The following LRRFIP1 variants were observed in gnomAD, a reference collection of about 807,000 sequenced individuals.
LRRFIP1 encodes leucine-rich repeat flightless-interacting protein 1.
LRRFIP1 carries 62 observed loss-of-function variants against 104.4 expected under a neutral mutation model. The ratio of observed to expected loss-of-function variants is 0.59; its 90% CI spans 0.48 to 0.73. LRRFIP1 has a LOEUF of 0.73. LRRFIP1 is among the 30% of genes least tolerant of loss of function. The probability of loss-of-function intolerance (pLI) is 0.00; values close to 1 mark genes in which losing one functional copy is unlikely to be tolerated. For synonymous variants in LRRFIP1, 300 were observed against 299.0 expected (o/e 1.00, Z -0.03); for missense variants, 796 against 824.5 (o/e 0.97, Z 0.42).
chr2:237,636,352 CTTTT>C (rs59582281), intron 1 of LRRFIP1, among the ~76,000 whole-genome samples: 4 of 124,400 alleles, frequency 3.2e-5, no homozygotes, highest in Admixed American at 3.2e-4. Context: ...CCTTTCTTTT[CTTTT>C]TTTTTTTTTT....
intron 1 of LRRFIP1, among the ~76,000 whole-genome samples, chr2:237,693,547 G>A (rs2092959171): frequency 6.6e-6 from 1 of 152,180 alleles, no homozygotes; most frequent in Non-Finnish European, 1.5e-5. Flanking sequence ...CAGTGGGCCA[G>A]CCCTCTGGAG....
At chr2:237,670,456 A>ACAGC (rs1317318572) in intron 1 of LRRFIP1, among the ~76,000 whole-genome samples, 2 of 152,242 alleles carry the variant, frequency 1.3e-5, no homozygotes, top group Non-Finnish European at 2.9e-5. Flanking sequence ...AGCAACACCG[A>ACAGC]CAGCCCATCA....
chr2:237,756,819 T>C (rs1395542666), intron 16 of LRRFIP1, among the ~76,000 whole-genome samples: 1 of 152,142 alleles, frequency 6.6e-6, no homozygotes, highest in Non-Finnish European at 1.5e-5. Flanking sequence ...ATGCCTTACA[T>C]GGTTAAAGGG....
chr2:237,739,742 C>T (rs1269149215), intron 11 of LRRFIP1, among the ~76,000 whole-genome samples: 1 of 152,112 alleles, frequency 6.6e-6, no homozygotes, highest in Non-Finnish European at 1.5e-5. Context: ...AGATTTGCAG[C>T]CCTGCATCCT....
rs773983334 is a variant in LRRFIP1, at chr2:237,668,812, C to A, written c.97-39732C>A. Among the ~76,000 whole-genome samples the A allele has an allele frequency of 4.9e-4, 75 of 152,048 alleles. 1 individual carries two copies. Among genetic ancestry groups the A allele is most frequent in the Admixed American group, 2.8e-3 (43 of 15,242 alleles). ...GAAAGAAAATATTTATTATATTAAA[C>A]GTAATACATGTTTATTATAGAAAAA... On this transcript the variant is annotated intron_variant, in intron 1 of 23. Transcript: ENST00000308482.
At chr2:237,765,025 G>A in intron 19 of LRRFIP1, 1 of 942,392 alleles carries the variant, frequency 1.1e-6, no homozygotes, top group Non-Finnish European at 1.3e-6. Context: ...ACATTGGGAG[G>A]CCAAGGCAGG....
chr2:237,651,152 C>T (rs889174156), intron 1 of LRRFIP1, among the ~76,000 whole-genome samples: 9 of 152,120 alleles, frequency 5.9e-5, no homozygotes, highest in Non-Finnish European at 1.0e-4. Flanking sequence ...GAGGCTAGTA[C>T]GAAGAACACC....
At chr2:237,671,280 T>G (rs973795453) in intron 1 of LRRFIP1, among the ~76,000 whole-genome samples, 1 of 152,194 alleles carries the variant, frequency 6.6e-6, no homozygotes, top group African/African-American at 2.4e-5. Context: ...CATACAGATC[T>G]GAGAGCCAGA....
At chr2:237,680,938 G>A (rs967942486) in intron 1 of LRRFIP1, among the ~76,000 whole-genome samples, 42 of 152,212 alleles carry the variant, frequency 2.8e-4, no homozygotes, top group African/African-American at 8.7e-4. Context: ...CCATGATCAC[G>A]CCACTGCACT....
At chr2:237,639,892 C>A (rs192171309) in intron 1 of LRRFIP1, among the ~76,000 whole-genome samples, 2 of 152,204 alleles carry the variant, frequency 1.3e-5, no homozygotes, top group South Asian at 4.1e-4. Flanking sequence ...AGGAGCTCCT[C>A]GCTATTCCCA....
intron 10 of LRRFIP1, among the ~76,000 whole-genome samples, chr2:237,738,234 G>A (rs2095312049): frequency 6.6e-6 from 1 of 151,702 alleles, no homozygotes; most frequent in African/African-American, 2.4e-5. Context: ...CACCCCTGAA[G>A]ATCTGGATGA....
intron 1 of LRRFIP1, among the ~76,000 whole-genome samples, chr2:237,693,682 C>T (rs1277618816): frequency 6.6e-6 from 1 of 152,130 alleles, no homozygotes; most frequent in African/African-American, 2.4e-5. Flanking sequence ...TGCCAGTGTT[C>T]TGAGGAGCAG....
rs565873709 is a variant in LRRFIP1 at position 237,717,479 on chromosome 2, C to G, written c.202-283C>G. Among the ~76,000 whole-genome samples, 1 of 152,332 alleles carries G rather than the reference C, an allele frequency of 6.6e-6. No individual in the cohort carries two copies. Among genetic ancestry groups the G allele is most frequent in the Middle Eastern group, 3.4e-3 (1 of 294 alleles). On this transcript the variant is annotated intron_variant, in intron 3 of 23. Coordinates refer to ENST00000308482, the MANE Select transcript of LRRFIP1 (RefSeq NM_001137550.2). This position sits in a 1 kb window ranked among gnomAD's most constrained non-coding sequence, Gnocchi z 4.2. ...GCCGGCTTTACTGTCCTGCTCTCCC[C>G]CGAGGCCCTTCACCTGGGGAAGCTT...
chr2:237,737,212 TC>T (rs2095277631), intron 10 of LRRFIP1, among the ~76,000 whole-genome samples: 1 of 152,200 alleles, frequency 6.6e-6, no homozygotes, highest in Non-Finnish European at 1.5e-5. Flanking sequence ...CATTGTCTGA[TC>T]CAGGAGCCGA....
chr2:237,774,085 C>T, intron 22 of LRRFIP1: 1 of 397,648 alleles, frequency 2.5e-6, no homozygotes, highest in African/African-American at 2.0e-5. Context: ...GGAGAAGAAG[C>T]AGGCAGCAAG....
intron 11 of LRRFIP1, among the ~76,000 whole-genome samples, chr2:237,741,241 C>T (rs1424580968): frequency 6.6e-6 from 1 of 152,238 alleles, no homozygotes; most frequent in African/African-American, 2.4e-5. Context: ...TTCATTATGA[C>T]ATGATTTCCC....
intron 17 of LRRFIP1, 123 bp downstream of exon 17, chr2:237,757,671 CAA>C: frequency 1.5e-6 from 1 of 688,594 alleles, no homozygotes; most frequent in East Asian, 2.7e-5. Flanking sequence ...CCACGTGACA[CAA>C]AGTCGTATTA....
Position 237,751,224 on chromosome 2 carries a change from A to T in LRRFIP1, c.820A>T (p.Ile274Phe). The change falls in exon 14 of 24, where the codon ATT becomes TTT. Residue 274 changes from isoleucine to phenylalanine, a missense_variant. Physicochemically the swap from Ile to Phe is conservative, Grantham distance 21. Transcript: ENST00000308482. ...GGAACTCAATGAGTTAAAGGACCAG[A>T]TTCAGGATGTAGAAGGCAAATACAT... ...IKELNELKDQ[I>F]QDVEGKYMQG... 1.2e-6 allele frequency: 2 copies of T among 1,610,640 alleles called. No homozygotes were observed. The highest frequency in any genetic ancestry group is 1.7e-6 in the Non-Finnish European group (2 of 1,178,516).
rs1452671682 is a variant in LRRFIP1, at chr2:237,774,458, G to A, written c.1808G>A (p.Arg603Lys). 2 of 1,607,682 alleles carry A rather than the reference G, an allele frequency of 1.2e-6. No individual in the cohort carries two copies. Among genetic ancestry groups the A allele is most frequent in the South Asian group, 2.2e-5 (2 of 90,520 alleles). The change falls in exon 23 of 24, where the codon AGA becomes AAA. Residue 603 changes from arginine to lysine, a missense_variant. Transcript: ENST00000308482. ...AAGGCAGAAAAACGGAAACTCCAAA[G>A]AGAGGTAAATTTCCTAGGCAATTTC... The part of the protein sequence containing the change: ...ELKAEKRKLQ[R>K]ELRSALDKTE...
Sources: gnomAD v4.1 joint callset for allele counts (sites outside exome capture counted in the v4.1 genomes callset) on GRCh38, gnomAD v4.1.1 for gene constraint, Gnocchi (gnomAD v3.1) non-coding constraint, MANE v1.5 for transcripts, NCBI Gene and HGNC (gene_info 2026-07-23, HGNC 2026-07-21) for gene names.